The following SATB2 variants were observed in gnomAD, a reference collection of about 807,000 sequenced individuals.
SATB2 encodes DNA-binding protein SATB2.
SATB2 carries 1 observed loss-of-function variant against 73.4 expected under a neutral mutation model. The observed-to-expected ratio is 0.01, with a 90% CI of 0.00 to 0.06. The LOEUF (loss-of-function observed/expected upper bound fraction) is 0.06. SATB2 is among the 10% of genes least tolerant of loss of function. The pLI is 1.00. For synonymous variants in SATB2, 397 were observed against 367.0 expected (o/e 1.08, Z -0.93); for missense variants, 459 against 945.8 (o/e 0.49, Z 6.75).
At chr2:199,286,605 C>T (rs1022032958) in intron 10 of SATB2, among the ~76,000 whole-genome samples, 1 of 152,142 alleles carries the variant, frequency 6.6e-6, no homozygotes, top group Non-Finnish European at 1.5e-5. Context: ...ACCCACCACA[C>T]GCTCACTTGC....
At chr2:199,364,235 A>C (rs1378990853) in intron 6 of SATB2, among the ~76,000 whole-genome samples, 2 of 152,192 alleles carry the variant, frequency 1.3e-5, no homozygotes, top group Non-Finnish European at 2.9e-5. Flanking sequence ...TATTTCTTTT[A>C]ATCACAACCC....
chr2:199,419,104 C>A (rs1395758705), intron 3 of SATB2, among the ~76,000 whole-genome samples: 2 of 152,180 alleles, frequency 1.3e-5, no homozygotes, highest in African/African-American at 2.4e-5. Context: ...TTTGGTTCCA[C>A]ACATTTCAAA....
intron 2 of SATB2, among the ~76,000 whole-genome samples, chr2:199,448,042 G>A (rs960470238): frequency 1.3e-5 from 2 of 152,030 alleles, no homozygotes; most frequent in African/African-American, 4.8e-5. Context: ...CTTTTACTAC[G>A]ACACTTAAAG....
intron 7 of SATB2, among the ~76,000 whole-genome samples, chr2:199,335,366 A>G (rs1437665203): frequency 2.0e-5 from 3 of 152,186 alleles, no homozygotes; most frequent in African/African-American, 2.4e-5. Context: ...CTATAGAGAT[A>G]TATTCTGCAA....
chr2:199,423,571 T>C (rs1027363869), intron 3 of SATB2: 5 of 152,246 alleles, frequency 3.3e-5, no homozygotes, highest in African/African-American at 9.6e-5. Flanking sequence ...TTCTGATATA[T>C]CTTTCATTGC....
intron 1 of SATB2, chr2:199,470,563 A>G (rs1019696898): frequency 6.6e-6 from 1 of 152,148 alleles, no homozygotes; most frequent in Non-Finnish European, 1.5e-5. Context: ...ATTTTCTATC[A>G]TTTTTTATGC....
At position 199,456,103 on chromosome 2, in the gene SATB2, AG is replaced by A; in HGVS notation, c.-59-8del. On this transcript the variant is annotated splice_polypyrimidine_tract_variant and splice_region_variant and intron_variant, in intron 1 of 10. Transcript: ENST00000417098. ...CAATAAAACGCACAGGGACCTAGGGAGGGGGTGGGGGGAGGAAGGGGGAGGG... is the reference window on the plus strand; with the variant it reads ...CAATAAAACGCACAGGGACCTAGGGAGGGGTGGGGGGAGGAAGGGGGAGGG... The A allele has an allele frequency of 1.2e-5, 1 of 83,862 alleles. No homozygotes were observed. 5.2% of individuals were successfully genotyped at this position (83,862 alleles called of 1,614,324 possible). A position where few individuals can be genotyped will look rare whatever the true frequency, so the allele number is the denominator to read the frequency against.
intron 7 of SATB2, among the ~76,000 whole-genome samples, chr2:199,329,614 G>A (rs570092858): frequency 2.0e-5 from 3 of 152,190 alleles, no homozygotes; most frequent in African/African-American, 7.2e-5. Context: ...AGTCACCTCT[G>A]GCGAGGGGCT....
intron 7 of SATB2, chr2:199,348,373 C>T (rs1574531695): frequency 4.7e-6 from 1 of 214,230 alleles, no homozygotes; most frequent in Non-Finnish European, 9.3e-6. Flanking sequence ...CTGATAATCA[C>T]AAAATTCAAG....
intron 2 of SATB2, among the ~76,000 whole-genome samples, chr2:199,452,005 A>T (rs1455447990): frequency 6.6e-6 from 1 of 152,128 alleles, no homozygotes; most frequent in Non-Finnish European, 1.5e-5. Flanking sequence ...AACATAAATT[A>T]TTTTTCAGAA....
intron 6 of SATB2, among the ~76,000 whole-genome samples, chr2:199,363,561 G>T (rs1474669536): frequency 6.6e-6 from 1 of 152,040 alleles, no homozygotes; most frequent in African/African-American, 2.4e-5. Flanking sequence ...GGTTTTTTTT[G>T]AGATCTATTG....
At chr2:199,428,942 G>T (rs1243772374) in intron 3 of SATB2, among the ~76,000 whole-genome samples, 1 of 150,826 alleles carries the variant, frequency 6.6e-6, no homozygotes, top group Non-Finnish European at 1.5e-5. Context: ...AAAGTTCAAG[G>T]CTGCAGTAAG....
chr2:199,403,555 T>G (rs1369076748), intron 3 of SATB2, among the ~76,000 whole-genome samples: 2 of 152,194 alleles, frequency 1.3e-5, no homozygotes, highest in Non-Finnish European at 2.9e-5. Flanking sequence ...TTTTTTATAT[T>G]TCCTACAATG....
intron 3 of SATB2, among the ~76,000 whole-genome samples, chr2:199,414,427 C>T (rs549515868): frequency 6.6e-5 from 10 of 152,354 alleles, no homozygotes; most frequent in Admixed American, 4.6e-4. Context: ...ATCCACCCCC[C>T]ACCAGGGCAA....
At chr2:199,400,773 G>A (rs763601748) in intron 3 of SATB2, among the ~76,000 whole-genome samples, 32 of 152,048 alleles carry the variant, frequency 2.1e-4, no homozygotes, top group Non-Finnish European at 4.1e-4. Context: ...AACAGGCACC[G>A]TAACTATTTA....
At chr2:199,353,104 C>T (rs1199910140) in intron 6 of SATB2, among the ~76,000 whole-genome samples, 1 of 148,432 alleles carries the variant, frequency 6.7e-6, no homozygotes, top group Non-Finnish European at 1.5e-5. Flanking sequence ...CTACAATGAC[C>T]AAGGCAGAAC....
At chr2:199,384,774 T>C (rs1689878892) in intron 3 of SATB2, among the ~76,000 whole-genome samples, 1 of 152,156 alleles carries the variant, frequency 6.6e-6, no homozygotes, top group South Asian at 2.1e-4. Context: ...ACTGGAACAA[T>C]AAAAGTACTG....
At chr2:199,368,364 C>T (rs925794206) in intron 6 of SATB2, among the ~76,000 whole-genome samples, 1 of 152,122 alleles carries the variant, frequency 6.6e-6, no homozygotes, top group South Asian at 2.1e-4. Flanking sequence ...TTGGTCTTTG[C>T]AGGTATCACT....
At chr2:199,441,800 T>C (rs960110522) in intron 2 of SATB2, among the ~76,000 whole-genome samples, 5 of 152,148 alleles carry the variant, frequency 3.3e-5, no homozygotes, top group Non-Finnish European at 7.4e-5. Flanking sequence ...AAGGAGAAAC[T>C]CCAGGTCTCT....
Sources: allele counts gnomAD v4.1 joint callset (sites outside exome capture counted in the v4.1 genomes callset), GRCh38; gene constraint gnomAD v4.1.1; transcripts MANE v1.5; gene names NCBI Gene and HGNC (gene_info 2026-07-23, HGNC 2026-07-21).